Variants in CXCR5 observed in about 807,000 individuals in gnomAD.
The protein encoded by CXCR5 is C-X-C chemokine receptor type 5.
In CXCR5, 3 loss-of-function variants were observed where a neutral mutation model predicts 5.6. That is an observed-to-expected ratio of 0.54 (90% confidence interval 0.24 to 1.39). The LOEUF is 1.39. Among genes scored for constraint, CXCR5 ranks in the 40% most tolerant of loss-of-function variants. The pLI is 0.16. For synonymous variants in CXCR5, 218 were observed against 219.9 expected (o/e 0.99, Z 0.08); for missense variants, 333 against 494.6 (o/e 0.67, Z 3.10).
intron 1 of CXCR5, among the ~76,000 whole-genome samples, chr11:118,892,677 GTGAT>G (rs1939831752): frequency 6.6e-6 from 1 of 150,686 alleles, no homozygotes; most frequent in African/African-American, 2.4e-5. Context: ...TGGGGGGGGG[GTGAT>G]GGGGAGAGGA....
chr11:118,894,653 C>T lies in CXCR5; in HGVS notation c.1109C>T (p.Thr370Ile). The T allele has an allele frequency of 6.6e-7, 1 of 1,511,350 alleles. No homozygotes were observed. Among genetic ancestry groups the T allele is most frequent in the African/African-American group, 1.4e-5 (1 of 71,684 alleles). 93.6% of individuals were successfully genotyped at this position (1,511,350 alleles called of 1,614,324 possible). A position where few individuals can be genotyped will look rare whatever the true frequency, so the allele number is the denominator to read the frequency against. ...GAGTCAGAGAATGCCACCTCTCTCA[C>T]CACGTTCTAGGTCCCAGTGTCCCCT... The part of the protein sequence containing the change: ...LSESENATSL[T>I]TF The change falls in exon 2 of 2, where the codon ACC becomes ATC. Residue 370 changes from threonine (T) to isoleucine (I), a missense_variant. Physicochemically the swap from Thr to Ile is moderately conservative, Grantham distance 89. Transcript: ENST00000292174. This position sits in a 1 kb window ranked among gnomAD's most constrained non-coding sequence, Gnocchi z 6.1.
In CXCR5 at chr11:118,894,297, C is replaced by A; in HGVS notation, c.753C>A (p.Arg251=). Reference sequence around the variant, plus strand: ...ACAGGTTGCGCCAGGCCCAGCGGCGCCCTCAGCGGCAGAAGGCAGTCAGGG... The same window carrying A: ...ACAGGTTGCGCCAGGCCCAGCGGCGACCTCAGCGGCAGAAGGCAGTCAGGG... ...VVHRLRQAQR[R]PQRQKAVRVA... is the part of the protein sequence containing the mutation. Residue 251 remains arginine, a synonymous_variant, in exon 2 of 2, where the codon CGC becomes CGA. Transcript: ENST00000292174. This position sits in a 1 kb window ranked among gnomAD's most constrained non-coding sequence, Gnocchi z 6.1. 1 of 1,614,144 alleles carries A rather than the reference C, an allele frequency of 6.2e-7. No individual in the cohort carries two copies. The highest frequency in any genetic ancestry group is 8.5e-7 in the Non-Finnish European group (1 of 1,180,036).
rs1305467202 is a variant in CXCR5, at chr11:118,893,722, C to T, written c.178C>T (p.Leu60Phe). The change falls in exon 2 of 2, where the codon CTC (leucine) becomes TTC (phenylalanine). Residue 60 changes from leucine to phenylalanine, a missense_variant. Coordinates refer to ENST00000292174, the MANE Select transcript of CXCR5 (RefSeq NM_001716.5). This position sits in a 1 kb window ranked among gnomAD's most constrained non-coding sequence, Gnocchi z 5.7. ...CGTGTTCGTGCCCGTGGCCTACAGC[C>T]TCATCTTCCTCCTGGGCGTGATCGG... is the stretch of plus-strand genomic sequence containing the variant. ...KAVFVPVAYSLIFLLGVIGNV... is the reference protein window; with the variant it reads ...KAVFVPVAYSFIFLLGVIGNV... 1 of 1,614,246 alleles carries T rather than the reference C, an allele frequency of 6.2e-7. No homozygotes were observed. Among genetic ancestry groups the T allele is most frequent in the Non-Finnish European group, 8.5e-7 (1 of 1,180,044 alleles).
intron 1 of CXCR5, among the ~76,000 whole-genome samples, chr11:118,891,251 CCTAAGCCTCCCAA>C (rs1225729647): frequency 6.6e-6 from 1 of 152,168 alleles, no homozygotes; most frequent in African/African-American, 2.4e-5. Flanking sequence ...AATCCTCCCA[CCTAAGCCTCCCAA>C]AGTGCTGGGA....
At chr11:118,886,999 C>T (rs767449803) in intron 1 of CXCR5, 5 of 152,902 alleles carry the variant, frequency 3.3e-5, no homozygotes, top group Non-Finnish European at 7.3e-5. Flanking sequence ...GTTCTCCACC[C>T]GCCCCCCGCA....
chr11:118,887,362 G>A (rs1433123100), intron 1 of CXCR5: 3 of 985,332 alleles, frequency 3.0e-6, no homozygotes, highest in Admixed American at 6.1e-5. Flanking sequence ...TGGGAGGCCT[G>A]TCTGCCTGCA....
chr11:118,893,610 C>A lies in CXCR5; in HGVS notation c.66C>A (p.Asp22Glu). 6.3e-7 allele frequency: 1 copy of A among 1,594,390 alleles called. No individual in the cohort carries two copies. The highest frequency in any genetic ancestry group is 1.1e-5 in the South Asian group (1 of 89,042). The change falls in exon 2 of 2, where the codon GAC (aspartate) becomes GAA (glutamate). Residue 22 changes from aspartate (D) to glutamate (E), a missense_variant. Physicochemically the swap from Asp to Glu is conservative, Grantham distance 45 (BLOSUM62 2). Coordinates refer to ENST00000292174, the MANE Select transcript of CXCR5 (RefSeq NM_001716.5). The surrounding 1 kb of genome is among the most constrained non-coding windows in gnomAD (Gnocchi z 5.7). ...ENLEDLFWEL[D>E]RLDNYNDTSL... Reference sequence around the variant, plus strand: ...TGCCCTTGCAGTTCTGGGAACTGGACAGATTGGACAACTATAACGACACCT... The same window carrying A: ...TGCCCTTGCAGTTCTGGGAACTGGAAAGATTGGACAACTATAACGACACCT...
In CXCR5 at chr11:118,894,343, A is replaced by T. The variant is rs1413641275; in HGVS notation, c.799A>T (p.Ile267Phe). Residue 267 changes from isoleucine to phenylalanine, a missense_variant, in exon 2 of 2, where the codon ATC becomes TTC. Coordinates refer to ENST00000292174, the MANE Select transcript of CXCR5 (RefSeq NM_001716.5). The surrounding 1 kb of genome is among the most constrained non-coding windows in gnomAD (Gnocchi z 6.1). ...AVRVAILVTSIFFLCWSPYHI... is the reference protein window; with the variant it reads ...AVRVAILVTSFFFLCWSPYHI... ...CAGGGTGGCCATCCTGGTGACAAGC[A>T]TCTTCTTCCTCTGCTGGTCACCCTA... The T allele has an allele frequency of 3.1e-6, 5 of 1,614,168 alleles. No homozygotes were observed. The highest frequency in any genetic ancestry group is 4.2e-6 in the Non-Finnish European group (5 of 1,180,032).
Position 118,894,548 on chromosome 11 carries a change from G to A in CXCR5, c.1004G>A (p.Arg335Gln), listed in dbSNP as rs140843011. Reference protein sequence around the residue: ...AGVKFRSDLSRLLTKLGCTGP... With the variant: ...AGVKFRSDLSQLLTKLGCTGP... ...GTGAAGTTCCGCAGTGACCTGTCGC[G>A]GCTCCTGACGAAGCTGGGCTGTACC... is the stretch of plus-strand genomic sequence containing the variant. The change falls in exon 2 of 2, where the codon CGG becomes CAG. Residue 335 changes from arginine to glutamine, a missense_variant. Transcript: ENST00000292174. This position sits in a 1 kb window ranked among gnomAD's most constrained non-coding sequence, Gnocchi z 6.1. 1.1e-4 allele frequency: 171 copies of A among 1,568,088 alleles called. No homozygotes were observed. In the Middle Eastern group the frequency reaches 3.6e-3, roughly 33 times the overall value.
intron 1 of CXCR5, among the ~76,000 whole-genome samples, chr11:118,890,661 G>A (rs1346743588): frequency 1.3e-5 from 2 of 151,858 alleles, no homozygotes; most frequent in Non-Finnish European, 2.9e-5. Flanking sequence ...AAGGTCAGAG[G>A]AATATACATT....
intron 1 of CXCR5, chr11:118,886,512 A>G: frequency 2.6e-6 from 1 of 382,586 alleles, no homozygotes; most frequent in South Asian, 2.0e-5. Flanking sequence ...ATTCTCATCA[A>G]TGAAAGGTCC....
Position 118,893,895 on chromosome 11 carries a change from G to A in CXCR5, c.351G>A (p.Leu117=), listed in dbSNP as rs750797549. The change falls in exon 2 of 2, where the codon CTG becomes CTA. Residue 117 remains leucine (L), a synonymous_variant. Coordinates refer to ENST00000292174, the MANE Select transcript of CXCR5 (RefSeq NM_001716.5). The surrounding 1 kb of genome is among the most constrained non-coding windows in gnomAD (Gnocchi z 5.7). ...AVAEGSVGWV[L]GTFLCKTVIA... ...CCGAGGGCTCTGTGGGCTGGGTCCT[G>A]GGGACCTTCCTCTGCAAAACTGTGA... is the stretch of plus-strand genomic sequence containing the variant. 3.2e-5 allele frequency: 51 copies of A among 1,613,984 alleles called. No individual in the cohort carries two copies. The highest frequency in any genetic ancestry group is 5.0e-5 in the Admixed American group (3 of 60,002).
At chr11:118,891,010 G>A (rs1019562457) in intron 1 of CXCR5, among the ~76,000 whole-genome samples, 3 of 152,166 alleles carry the variant, frequency 2.0e-5, no homozygotes, top group African/African-American at 7.2e-5. Flanking sequence ...GCTGTAGTGT[G>A]CTATGGTCAC....
At chr11:118,888,498 T>A (rs918049490) in intron 1 of CXCR5, among the ~76,000 whole-genome samples, 1 of 152,142 alleles carries the variant, frequency 6.6e-6, no homozygotes, top group African/African-American at 2.4e-5. Context: ...AAAGTGGTCA[T>A]CCTTGTCCAG....
At chr11:118,887,057 G>C (rs1030382801) in intron 1 of CXCR5, 1 of 169,940 alleles carries the variant, frequency 5.9e-6, no homozygotes. Context: ...GGCCCAACTG[G>C]GGTGTAGTTG....
Position 118,894,394 on chromosome 11 carries a change from C to A in CXCR5, c.850C>A (p.Leu284Met). Reference protein sequence around the residue: ...PYHIVIFLDTLARLKAVDNTC... With the variant: ...PYHIVIFLDTMARLKAVDNTC... ...CCACATCGTCATCTTCCTGGACACCCTGGCGAGGCTGAAGGCCGTGGACAA... is the reference window on the plus strand; with the variant it reads ...CCACATCGTCATCTTCCTGGACACCATGGCGAGGCTGAAGGCCGTGGACAA... The change falls in exon 2 of 2, where the codon CTG (leucine) becomes ATG (methionine). Residue 284 changes from leucine (L) to methionine (M), a missense_variant. Physicochemically the swap from Leu to Met is conservative, Grantham distance 15 (BLOSUM62 2). Transcript: ENST00000292174. The surrounding 1 kb of genome is among the most constrained non-coding windows in gnomAD (Gnocchi z 6.1). 6.2e-7 allele frequency: 1 copy of A among 1,614,242 alleles called. No homozygotes were observed. The highest frequency in any genetic ancestry group is 1.1e-5 in the South Asian group (1 of 91,092).
rs1047122555 is a variant in CXCR5 at position 118,895,685 on chromosome 11, G to A, written c.*1022G>A. 18 of 167,428 alleles carry A rather than the reference G, an allele frequency of 1.1e-4. No individual in the cohort carries two copies. Among genetic ancestry groups the A allele is most frequent in the Non-Finnish European group, 7.3e-5 (5 of 68,320 alleles). The allele number at this position is 167,428 out of a possible 1,614,324, so 10.4% of individuals were successfully genotyped here. ...GAGAAAGGTGGACTGGAAGGGGCCC[G>A]TGGGAGTCATCTCAACCATCCCCTC... On this transcript the variant is annotated 3_prime_UTR_variant, in exon 2 of 2. Coordinates refer to ENST00000292174, the MANE Select transcript of CXCR5 (RefSeq NM_001716.5). This position sits in a 1 kb window ranked among gnomAD's most constrained non-coding sequence, Gnocchi z 4.2.
At chr11:118,889,970 AG>A (rs2137655813) in intron 1 of CXCR5, among the ~76,000 whole-genome samples, 1 of 152,282 alleles carries the variant, frequency 6.6e-6, no homozygotes, top group Non-Finnish European at 1.5e-5. Flanking sequence ...GCCCTCACCC[AG>A]GCACGGCCAA....
Position 118,895,242 on chromosome 11 carries a change from T to A in CXCR5, c.*579T>A, listed in dbSNP as rs541774674. The A allele has an allele frequency of 8.4e-5, 14 of 167,234 alleles. No homozygotes were observed. The highest frequency in any genetic ancestry group is 3.1e-4 in the African/African-American group (13 of 41,552). The allele number at this position is 167,234 out of a possible 1,614,324, so 10.4% of individuals were successfully genotyped here. ...TGCCAGGCCCCCAAGCCTGCAGTCA[T>A]CTTGACCAAGCAGGAAGCTCAGACT... On this transcript the variant is annotated 3_prime_UTR_variant, in exon 2 of 2. Coordinates refer to ENST00000292174, the MANE Select transcript of CXCR5 (RefSeq NM_001716.5). This position sits in a 1 kb window ranked among gnomAD's most constrained non-coding sequence, Gnocchi z 4.2.
Sources: allele counts gnomAD v4.1 joint callset (sites outside exome capture counted in the v4.1 genomes callset), GRCh38; gene constraint gnomAD v4.1.1; non-coding constraint Gnocchi (gnomAD v3.1); transcripts MANE v1.5; gene names NCBI Gene and HGNC (gene_info 2026-07-23, HGNC 2026-07-21).